GPC5: variants seen among roughly 807,000 people sequenced by gnomAD.
The protein encoded by GPC5 is glypican 5, also known as glypican-5.
In GPC5, 47 loss-of-function variants were observed where a neutral mutation model predicts 53.9. That is an observed-to-expected ratio of 0.87 (90% CI 0.69 to 1.11). The LOEUF (loss-of-function observed/expected upper bound fraction) is 1.11, where lower values mean the gene tolerates loss of function less well. GPC5 is among the 50% of genes most tolerant of loss of function. The pLI is 0.00. For missense variants in GPC5, 748 were observed against 713.1 expected (o/e 1.05, Z -0.56); for synonymous variants, 286 against 263.3 (o/e 1.09, Z -0.84).
At chr13:91,580,760 C>A (rs1289701930) in intron 2 of GPC5, among the ~76,000 whole-genome samples, 1 of 152,196 alleles carries the variant, frequency 6.6e-6, no homozygotes, top group Non-Finnish European at 1.5e-5. Context: ...TTCTTCGAGT[C>A]AGAAGCTTGT....
chr13:92,568,381 C>T (rs1594311237), intron 7 of GPC5, among the ~76,000 whole-genome samples: 1 of 152,094 alleles, frequency 6.6e-6, no homozygotes, highest in East Asian at 1.9e-4. Flanking sequence ...AAAAATTTAA[C>T]TATAAGTAAA....
intron 7 of GPC5, among the ~76,000 whole-genome samples, chr13:92,523,319 C>T (rs2138972739): frequency 6.6e-6 from 1 of 152,200 alleles, no homozygotes; most frequent in East Asian, 1.9e-4. Context: ...ACAGTAGTTT[C>T]TCAGTCATAT....
chr13:91,854,031 G>T (rs1327113002), intron 5 of GPC5, among the ~76,000 whole-genome samples: 1 of 151,480 alleles, frequency 6.6e-6, no homozygotes, highest in Non-Finnish European at 1.5e-5. Context: ...CTGTTAGAAG[G>T]TTTATTTATG....
intron 2 of GPC5, among the ~76,000 whole-genome samples, chr13:91,572,427 A>G (rs1448175137): frequency 6.6e-6 from 1 of 152,100 alleles, no homozygotes; most frequent in Non-Finnish European, 1.5e-5. Context: ...TTTGCTTCAC[A>G]GCTCTGCAGA....
At chr13:92,668,695 C>CA (rs1886651611) in intron 7 of GPC5, among the ~76,000 whole-genome samples, 1 of 151,936 alleles carries the variant, frequency 6.6e-6, no homozygotes, top group South Asian at 2.1e-4. Flanking sequence ...TTTGACACAG[C>CA]AAAAATATGC....
intron 7 of GPC5, among the ~76,000 whole-genome samples, chr13:92,815,167 A>G (rs1357695715): frequency 6.6e-6 from 1 of 152,010 alleles, no homozygotes; most frequent in Non-Finnish European, 1.5e-5. Context: ...AAAAACATAT[A>G]ATACAATGCC....
chr13:91,561,625 G>A (rs1402896091), intron 2 of GPC5, among the ~76,000 whole-genome samples: 1 of 149,476 alleles, frequency 6.7e-6, no homozygotes, highest in African/African-American at 2.5e-5. Context: ...TATGAGCCTG[G>A]CATCAAGAAA....
At chr13:91,830,293 G>A (rs551952477) in intron 5 of GPC5, among the ~76,000 whole-genome samples, 7 of 152,198 alleles carry the variant, frequency 4.6e-5, no homozygotes, top group Admixed American at 3.9e-4. Context: ...GGCAGTCAGA[G>A]TTTAAGGTTA....
intron 5 of GPC5, among the ~76,000 whole-genome samples, chr13:91,901,150 T>C (rs889083679): frequency 6.6e-6 from 1 of 152,084 alleles, no homozygotes; most frequent in Non-Finnish European, 1.5e-5. Context: ...AAATTTGTTA[T>C]ATATAAATAA....
intron 7 of GPC5, among the ~76,000 whole-genome samples, chr13:92,286,541 A>G (rs901686285): frequency 6.6e-6 from 1 of 152,170 alleles, no homozygotes; most frequent in African/African-American, 2.4e-5. Context: ...TACACCATGG[A>G]ATACTATACA....
At chr13:92,303,419 G>T (rs1171485991) in intron 7 of GPC5, among the ~76,000 whole-genome samples, 8 of 152,136 alleles carry the variant, frequency 5.3e-5, no homozygotes, top group Admixed American at 4.6e-4. Context: ...AGAATGCAGG[G>T]TGGGAATGAG....
rs971045861 is a variant in GPC5, at chr13:91,519,961, A to G, written c.325+71039A>G. On this transcript the variant is annotated intron_variant, in intron 2 of 7. Coordinates refer to ENST00000377067, the MANE Select transcript of GPC5 (RefSeq NM_004466.6). ...AACAGAATTTATCAAAGAAAATGTA[A>G]TAAAATAAGATTTAGAAAAATTGGA... Among the ~76,000 whole-genome samples, 4 of 152,218 alleles carry G rather than the reference A, an allele frequency of 2.6e-5. No homozygotes were observed. In the South Asian group the frequency reaches 8.3e-4, roughly 31 times the overall value.
At chr13:91,744,824 A>C (rs2037013608) in intron 4 of GPC5, among the ~76,000 whole-genome samples, 1 of 152,126 alleles carries the variant, frequency 6.6e-6, no homozygotes, top group African/African-American at 2.4e-5. Context: ...TAAAATACTG[A>C]ATCTCAAACA....
chr13:92,472,022 G>A (rs1462339449), intron 7 of GPC5, among the ~76,000 whole-genome samples: 2 of 152,094 alleles, frequency 1.3e-5, no homozygotes, highest in African/African-American at 4.8e-5. Flanking sequence ...CTTAACTGGT[G>A]GCTAGCATGG....
intron 7 of GPC5, among the ~76,000 whole-genome samples, chr13:92,217,397 T>C (rs2042418256): frequency 6.6e-6 from 1 of 152,180 alleles, no homozygotes; most frequent in Admixed American, 6.5e-5. Flanking sequence ...ACCTTCATTA[T>C]CCAGTTTCTC....
chr13:92,674,372 G>T (rs1243863903), intron 7 of GPC5, among the ~76,000 whole-genome samples: 2 of 152,070 alleles, frequency 1.3e-5, no homozygotes, highest in African/African-American at 2.4e-5. Flanking sequence ...AAGTTATCTG[G>T]CTGCCCTCTT....
chr13:92,196,061 G>A lies in GPC5; in HGVS notation c.1561+51072G>A, dbSNP rs192549707. 3.9e-4 allele frequency among the ~76,000 whole-genome samples: 59 copies of A among 152,002 alleles called. 1 individual carries two copies. Among genetic ancestry groups the A allele is most frequent in the Non-Finnish European group, 6.5e-4 (44 of 67,992 alleles). On this transcript the variant is annotated intron_variant, in intron 7 of 7. Coordinates refer to ENST00000377067, the MANE Select transcript of GPC5 (RefSeq NM_004466.6). ...GCTCAGGGCAAAGTGGAAGCACAGC[G>A]GAAAACTAATTAAAGTTAATTTTGC... is the stretch of plus-strand genomic sequence containing the variant.
At chr13:92,495,472 T>C (rs2138920991) in intron 7 of GPC5, among the ~76,000 whole-genome samples, 1 of 152,294 alleles carries the variant, frequency 6.6e-6, no homozygotes. Context: ...GAAAATATTT[T>C]AATTTTATTC....
At chr13:92,850,461 G>C (rs888837840) in intron 7 of GPC5, among the ~76,000 whole-genome samples, 3 of 152,070 alleles carry the variant, frequency 2.0e-5, no homozygotes, top group African/African-American at 7.2e-5. Flanking sequence ...TTAGCCGAGT[G>C]TGGTGGTGGG....
Sources: allele counts gnomAD v4.1 joint callset (sites outside exome capture counted in the v4.1 genomes callset), GRCh38; gene constraint gnomAD v4.1.1; transcripts MANE v1.5; gene names NCBI Gene and HGNC (gene_info 2026-07-23, HGNC 2026-07-21).